Variants in TRPM3 observed in about 807,000 individuals in gnomAD.
TRPM3 encodes the protein transient receptor potential cation channel subfamily M member 3, also known as long transient receptor potential channel 3.
TRPM3 carries 77 observed loss-of-function variants against 181.2 expected under a neutral mutation model. The ratio of observed to expected loss-of-function variants is 0.42; its 90% CI spans 0.35 to 0.51. TRPM3 has a LOEUF of 0.51. Among genes scored for constraint, TRPM3 ranks in the 20% least tolerant of loss-of-function variants. TRPM3 has a pLI of 0.01. For synonymous variants in TRPM3, 745 were observed against 796.4 expected (o/e 0.94, Z 1.09); for missense variants, 1,759 against 2,196.7 (o/e 0.80, Z 3.98).
intron 8 of TRPM3, among the ~76,000 whole-genome samples, chr9:70,759,075 CT>C (rs1211957125): frequency 4.6e-5 from 7 of 152,292 alleles, no homozygotes; most frequent in Non-Finnish European, 1.0e-4. Context: ...TTTTTGCAAT[CT>C]ATCCATCTGA....
intron 1 of TRPM3, among the ~76,000 whole-genome samples, chr9:71,025,097 AC>A (rs1351183182): frequency 1.3e-5 from 2 of 152,028 alleles, no homozygotes; most frequent in Non-Finnish European, 1.5e-5. Flanking sequence ...TAGTTTCTTC[AC>A]CCCCTTGGCA....
At chr9:70,696,870 G>A (rs1193420655) in intron 8 of TRPM3, among the ~76,000 whole-genome samples, 2 of 152,156 alleles carry the variant, frequency 1.3e-5, no homozygotes, top group African/African-American at 2.4e-5. Context: ...CCTGCCAGGT[G>A]CTGGGCGCTG....
intron 1 of TRPM3, among the ~76,000 whole-genome samples, chr9:71,331,836 G>GA (rs2090173303): frequency 3.4e-5 from 1 of 29,584 alleles, no homozygotes; most frequent in African/African-American, 2.5e-4. Flanking sequence ...GAAGAGGAGA[G>GA]GGAGGAGGAG....
At chr9:71,375,821 G>T (rs1050659349) in intron 1 of TRPM3, among the ~76,000 whole-genome samples, 1 of 152,090 alleles carries the variant, frequency 6.6e-6, no homozygotes, top group African/African-American at 2.4e-5. Flanking sequence ...GGCTCAGATT[G>T]TTAGCATTTT....
At chr9:71,382,742 G>A (rs2092832933) in intron 1 of TRPM3, among the ~76,000 whole-genome samples, 2 of 143,106 alleles carry the variant, frequency 1.4e-5, no homozygotes, top group African/African-American at 5.2e-5. Flanking sequence ...TTGGTCTCTT[G>A]AACACAGATT....
chr9:70,997,196 A>T (rs2097548082), intron 1 of TRPM3, among the ~76,000 whole-genome samples: 2 of 151,834 alleles, frequency 1.3e-5, no homozygotes, highest in African/African-American at 4.8e-5. Context: ...TTACTATCTT[A>T]ATACTTTTTT....
intron 6 of TRPM3, among the ~76,000 whole-genome samples, chr9:70,804,223 G>A (rs913366632): frequency 6.6e-6 from 1 of 152,070 alleles, no homozygotes; most frequent in African/African-American, 2.4e-5. Context: ...CCAGCTACTT[G>A]GGAGGCTGAG....
intron 21 of TRPM3, among the ~76,000 whole-genome samples, chr9:70,593,830 G>A (rs2132572963): frequency 6.8e-6 from 1 of 147,622 alleles, no homozygotes. Flanking sequence ...GTTCTACAGA[G>A]GAGAGTATAT....
chr9:70,988,134 T>G (rs1047423630), intron 1 of TRPM3, among the ~76,000 whole-genome samples: 1 of 152,328 alleles, frequency 6.6e-6, no homozygotes, highest in Admixed American at 6.5e-5. Context: ...ACACTGCTAT[T>G]GAGCAAGAGT....
chr9:70,657,365 A>G (rs2060509654), intron 9 of TRPM3, among the ~76,000 whole-genome samples: 2 of 151,812 alleles, frequency 1.3e-5, no homozygotes, highest in Admixed American at 1.3e-4. Flanking sequence ...TTTAAAGGCC[A>G]CGAAATACTA....
chr9:70,843,616 C>T (rs10120927), intron 4 of TRPM3, among the ~76,000 whole-genome samples: 55,725 of 151,906 alleles, frequency 0.37, 10,616 homozygotes, highest in Non-Finnish European at 0.39. Context: ...AGAACCTACT[C>T]GTAAAGACAA....
chr9:70,553,066 T>A (rs772200000), intron 23 of TRPM3, 23 bp from the exon 24 acceptor site: 4 of 1,613,856 alleles, frequency 2.5e-6, no homozygotes, highest in Non-Finnish European at 3.4e-6. Context: ...CCAAAGAGAA[T>A]CAAGTGAGAA....
intron 1 of TRPM3, among the ~76,000 whole-genome samples, chr9:70,875,587 A>G (rs2095856703): frequency 6.6e-6 from 1 of 151,956 alleles, no homozygotes; most frequent in African/African-American, 2.4e-5. Context: ...AATATTATTA[A>G]GATGTTATTA....
intron 8 of TRPM3, among the ~76,000 whole-genome samples, chr9:70,689,077 G>A (rs1273442170): frequency 1.6e-4 from 24 of 152,100 alleles, no homozygotes; most frequent in Non-Finnish European, 1.5e-5. Flanking sequence ...AAGTGAATGT[G>A]GTGTATTAAG....
At chr9:70,661,492 T>A (rs1446075995) in intron 9 of TRPM3, among the ~76,000 whole-genome samples, 1 of 152,034 alleles carries the variant, frequency 6.6e-6, no homozygotes, top group Admixed American at 6.6e-5. Context: ...AAAAAGGATG[T>A]CAAACCATCG....
At chr9:70,545,674 A>C (rs1028615227) in intron 25 of TRPM3, among the ~76,000 whole-genome samples, 1 of 149,276 alleles carries the variant, frequency 6.7e-6, no homozygotes, top group Non-Finnish European at 1.5e-5. Flanking sequence ...AGCTCCCACA[A>C]GTAGCTGGCA....
intron 1 of TRPM3, among the ~76,000 whole-genome samples, chr9:70,998,230 C>T (rs541404009): frequency 5.1e-5 from 6 of 117,582 alleles, no homozygotes; most frequent in African/African-American, 1.3e-4. Context: ...TATACATATA[C>T]ACACACACAC....
chr9:70,982,723 T>A (rs1168078724), intron 1 of TRPM3, among the ~76,000 whole-genome samples: 4 of 152,160 alleles, frequency 2.6e-5, no homozygotes, highest in Non-Finnish European at 5.9e-5. Context: ...TTTGTTGAGA[T>A]GGAGTTTCCC....
chr9:70,608,500 A>G (rs1342851755), intron 19 of TRPM3, among the ~76,000 whole-genome samples: 1 of 152,148 alleles, frequency 6.6e-6, no homozygotes, highest in Non-Finnish European at 1.5e-5. Flanking sequence ...GGGAATCATA[A>G]TATAAAAGGA....
Sources: allele counts gnomAD v4.1 joint callset (sites outside exome capture counted in the v4.1 genomes callset), GRCh38; gene constraint gnomAD v4.1.1; transcripts MANE v1.5; gene names NCBI Gene and HGNC (gene_info 2026-07-23, HGNC 2026-07-21).